The following PAPSS1 variants were observed in gnomAD, a reference collection of about 807,000 sequenced individuals.
PAPSS1 encodes 3'-phosphoadenosine 5'-phosphosulfate synthase 1.
Under a neutral mutation model 72.0 loss-of-function variants are expected in PAPSS1, and 50 were observed. The observed-to-expected ratio is 0.69, with a 90% CI of 0.55 to 0.88. The LOEUF (loss-of-function observed/expected upper bound fraction) is 0.88. Ranked by LOEUF, PAPSS1 falls within the 40% of genes least tolerant of loss-of-function variation. The probability of loss-of-function intolerance (pLI) is 0.00; values close to 1 mark genes in which losing one functional copy is unlikely to be tolerated. For synonymous variants in PAPSS1, 261 were observed against 263.6 expected (o/e 0.99, Z 0.09); for missense variants, 657 against 782.2 (o/e 0.84, Z 1.91).
intron 1 of PAPSS1, among the ~76,000 whole-genome samples, chr4:107,708,777 T>G (rs1234957842): frequency 6.6e-6 from 1 of 152,210 alleles, no homozygotes; most frequent in Non-Finnish European, 1.5e-5. Flanking sequence ...TATGTATGTT[T>G]GATATTGTTA....
intron 5 of PAPSS1, among the ~76,000 whole-genome samples, chr4:107,680,361 C>T (rs1727774405): frequency 6.6e-6 from 1 of 151,418 alleles, no homozygotes; most frequent in Admixed American, 6.6e-5. Context: ...AAAAGAATTA[C>T]ATTAGACTTC....
intron 1 of PAPSS1, among the ~76,000 whole-genome samples, chr4:107,712,622 C>T (rs531660271): frequency 1.3e-5 from 2 of 152,274 alleles, no homozygotes; most frequent in African/African-American, 4.8e-5. Context: ...TGCTTGTAAT[C>T]CCAGCACTTT....
At chr4:107,700,051 T>C (rs1723168907) in intron 2 of PAPSS1, among the ~76,000 whole-genome samples, 1 of 152,196 alleles carries the variant, frequency 6.6e-6, no homozygotes, top group South Asian at 2.1e-4. Flanking sequence ...ACAATTTAAC[T>C]GTCTGGAATT....
intron 4 of PAPSS1, among the ~76,000 whole-genome samples, chr4:107,685,573 C>T (rs1722762137): frequency 6.6e-6 from 1 of 152,140 alleles, no homozygotes; most frequent in Non-Finnish European, 1.5e-5. Context: ...CATAATTATT[C>T]TGGTTAAGCA....
At chr4:107,711,067 G>GC in intron 1 of PAPSS1, among the ~76,000 whole-genome samples, 1 of 152,278 alleles carries the variant, frequency 6.6e-6, no homozygotes, top group Middle Eastern at 3.4e-3. Flanking sequence ...TTTCCACAAT[G>GC]CCCAACCTCC....
At chr4:107,697,062 T>TAG (rs10686064) in intron 2 of PAPSS1, among the ~76,000 whole-genome samples, 1 of 151,750 alleles carries the variant, frequency 6.6e-6, no homozygotes, top group Admixed American at 6.6e-5. Context: ...GTCACTTAAT[T>TAG]TGGGAGAAGC....
chr4:107,699,782 A>T (rs1723163215), intron 2 of PAPSS1, among the ~76,000 whole-genome samples: 2 of 152,196 alleles, frequency 1.3e-5, no homozygotes, highest in Admixed American at 6.5e-5. Flanking sequence ...AAATTCCAAG[A>T]CCAAGAAAGT....
chr4:107,642,664 T>A (rs561904635), intron 10 of PAPSS1, among the ~76,000 whole-genome samples: 1 of 152,330 alleles, frequency 6.6e-6, no homozygotes, highest in Non-Finnish European at 1.5e-5. Context: ...TAACTACAAC[T>A]CATTTACTAA....
At chr4:107,710,731 C>T (rs1166350023) in intron 1 of PAPSS1, among the ~76,000 whole-genome samples, 1 of 152,240 alleles carries the variant, frequency 6.6e-6, no homozygotes, top group Admixed American at 6.5e-5. Flanking sequence ...TTAAATCTCT[C>T]TCTCTCTCTC....
intron 3 of PAPSS1, among the ~76,000 whole-genome samples, chr4:107,690,134 T>C (rs1480562278): frequency 6.6e-6 from 1 of 152,208 alleles, no homozygotes; most frequent in Non-Finnish European, 1.5e-5. Context: ...GCTTCAAGGA[T>C]GACCTCACTC....
chr4:107,622,994 G>A (rs28733251), intron 11 of PAPSS1, among the ~76,000 whole-genome samples: 2 of 152,080 alleles, frequency 1.3e-5, no homozygotes, highest in Non-Finnish European at 2.9e-5. Context: ...TATACTACAA[G>A]TCCTACTGAC....
chr4:107,677,116 T>C (rs1727674488), intron 5 of PAPSS1, among the ~76,000 whole-genome samples: 2 of 152,256 alleles, frequency 1.3e-5, no homozygotes, highest in South Asian at 2.1e-4. Context: ...ATTCAGGACA[T>C]AGGCATGGGC....
chr4:107,712,806 G>A (rs1723529135), intron 1 of PAPSS1, among the ~76,000 whole-genome samples: 1 of 151,308 alleles, frequency 6.6e-6, no homozygotes, highest in African/African-American at 2.4e-5. Flanking sequence ...CAGGGATGCG[G>A]AGGTTGCAGC....
chr4:107,680,878 TAC>T (rs1727787197), intron 5 of PAPSS1, among the ~76,000 whole-genome samples: 5 of 152,124 alleles, frequency 3.3e-5, no homozygotes, highest in Non-Finnish European at 5.9e-5. Flanking sequence ...CAAATAATGA[TAC>T]CTGATCAGTA....
At chr4:107,673,336 C>A (rs1175233187) in intron 5 of PAPSS1, among the ~76,000 whole-genome samples, 1 of 152,020 alleles carries the variant, frequency 6.6e-6, no homozygotes, top group Admixed American at 6.6e-5. Flanking sequence ...AAATGGCTAA[C>A]TAGAATAACC....
At chr4:107,640,736 A>C (rs1471797860) in intron 10 of PAPSS1, among the ~76,000 whole-genome samples, 1 of 152,220 alleles carries the variant, frequency 6.6e-6, no homozygotes, top group Non-Finnish European at 1.5e-5. Context: ...TAAGATGTTT[A>C]CTAGAATTTC....
intron 3 of PAPSS1, among the ~76,000 whole-genome samples, chr4:107,689,297 T>C (rs184748488): frequency 7.2e-4 from 110 of 152,276 alleles, no homozygotes; most frequent in South Asian, 8.3e-4. Flanking sequence ...GATGCTCTAT[T>C]GATAATACCT....
chr4:107,652,643 T>C (rs1726876072), intron 9 of PAPSS1, among the ~76,000 whole-genome samples: 1 of 152,218 alleles, frequency 6.6e-6, no homozygotes, highest in African/African-American at 2.4e-5. Flanking sequence ...CAGAAACATT[T>C]TTTAAATGAA....
chr4:107,657,879 C>T (rs1727062587), intron 6 of PAPSS1, among the ~76,000 whole-genome samples: 1 of 152,114 alleles, frequency 6.6e-6, no homozygotes, highest in South Asian at 2.1e-4. Context: ...GAAGACTTCA[C>T]CTTTATCTGT....
Sources: allele counts gnomAD v4.1 joint callset (sites outside exome capture counted in the v4.1 genomes callset), GRCh38; gene constraint gnomAD v4.1.1; transcripts MANE v1.5; gene names NCBI Gene and HGNC (gene_info 2026-07-23, HGNC 2026-07-21).